Variants in PTPN12 observed in about 807,000 individuals in gnomAD.
PTPN12 encodes the protein tyrosine-protein phosphatase non-receptor type 12.
A neutral mutation model predicts 97.6 loss-of-function variants in PTPN12; 29 were observed. The observed-to-expected ratio is 0.30, with a 90% CI of 0.22 to 0.41. The LOEUF is 0.41. PTPN12 is among the 10% of genes least tolerant of loss of function. The pLI, the probability that PTPN12 is intolerant of heterozygous loss-of-function variation, is 1.00. For synonymous variants in PTPN12, 327 were observed against 300.4 expected (o/e 1.09, Z -0.91); for missense variants, 819 against 926.0 (o/e 0.88, Z 1.50).
At position 77,629,983 on chromosome 7, in the gene PTPN12, C is replaced by T. The variant is rs373764688; in HGVS notation, c.1996+2308C>T. 3.3e-5 allele frequency among the ~76,000 whole-genome samples: 5 copies of T among 151,538 alleles called. No homozygotes were observed. The East Asian group carries it at 9.7e-4, about 29-fold the overall frequency. On this transcript the variant is annotated intron_variant, in intron 13 of 17. Coordinates refer to ENST00000248594, the MANE Select transcript of PTPN12 (RefSeq NM_002835.4). ...AGAGTAAGATATAGCTAAAAGCACC[C>T]TACTATGTGCCAGCTCATTTCTGTT...
At chr7:77,592,425 C>T in intron 6 of PTPN12, 169 bp downstream of exon 6, 1 of 495,418 alleles carries the variant, frequency 2.0e-6, no homozygotes, top group South Asian at 3.6e-5. Flanking sequence ...AATTTGGAAG[C>T]TTTTGGGTTG....
chr7:77,596,752 A>T lies in PTPN12; in HGVS notation c.493-1090A>T, dbSNP rs534137243. Among the ~76,000 whole-genome samples, 3 of 152,300 alleles carry T rather than the reference A, an allele frequency of 2.0e-5. No homozygotes were observed. In the East Asian group the frequency reaches 5.8e-4, roughly 29 times the overall value. On this transcript the variant is annotated intron_variant, in intron 6 of 17. Transcript: ENST00000248594. ...TTTAGAGCAGTTTTAGGTTTACAGC[A>T]AAATTGAGAGGAAGGTACAGAGATT...
At chr7:77,634,020 T>C (rs987249269) in intron 14 of PTPN12, among the ~76,000 whole-genome samples, 2 of 152,016 alleles carry the variant, frequency 1.3e-5, no homozygotes, top group African/African-American at 4.8e-5. Flanking sequence ...CAAAAAACTT[T>C]GTCTCAAAAA....
At chr7:77,558,031 C>T (rs1478508725) in intron 1 of PTPN12, among the ~76,000 whole-genome samples, 3 of 151,480 alleles carry the variant, frequency 2.0e-5, no homozygotes, top group Admixed American at 6.6e-5. Context: ...GCCAACATGG[C>T]GAAACCCCAT....
chr7:77,580,762 CAATT>C (rs747690129), intron 2 of PTPN12, among the ~76,000 whole-genome samples: 4 of 152,084 alleles, frequency 2.6e-5, no homozygotes, highest in Non-Finnish European at 5.9e-5. Flanking sequence ...TATATAATCT[CAATT>C]CATTAATTTG....
rs572772619 is a variant in PTPN12 at position 77,584,479 on chromosome 7, G to A, written c.381+829G>A. ...TTGATAAGATTTGTGTTGCACAGAT[G>A]TGTGTATTTGTCCAAACTCGGAGAA... On this transcript the variant is annotated intron_variant, in intron 4 of 17. Coordinates refer to ENST00000248594, the MANE Select transcript of PTPN12 (RefSeq NM_002835.4). Among the ~76,000 whole-genome samples the A allele has an allele frequency of 1.2e-4, 19 of 152,334 alleles. No individual in the cohort carries two copies. In the East Asian group the frequency reaches 3.7e-3, roughly 29 times the overall value.
At chr7:77,605,838 G>A (rs1788352570) in intron 8 of PTPN12, among the ~76,000 whole-genome samples, 1 of 150,184 alleles carries the variant, frequency 6.7e-6, no homozygotes, top group Non-Finnish European at 1.5e-5. Context: ...AATCACTGCT[G>A]TTGCTCAATC....
chr7:77,634,058 G>A (rs1584226968), intron 14 of PTPN12, among the ~76,000 whole-genome samples: 1 of 152,122 alleles, frequency 6.6e-6, no homozygotes, highest in East Asian at 1.9e-4. Flanking sequence ...AAATTAGCCA[G>A]GTGTGGTGGC....
intron 1 of PTPN12, among the ~76,000 whole-genome samples, chr7:77,563,743 G>C (rs1808100544): frequency 6.6e-6 from 1 of 152,132 alleles, no homozygotes; most frequent in African/African-American, 2.4e-5. Context: ...GAAAAAAAAG[G>C]GAGAGAATTA....
chr7:77,583,177 A>G (rs1175674545), intron 3 of PTPN12, among the ~76,000 whole-genome samples: 1 of 152,214 alleles, frequency 6.6e-6, no homozygotes, highest in Admixed American at 6.5e-5. Context: ...ACTAAGAAAG[A>G]GCTCTTCACT....
chr7:77,614,522 A>G (rs1469170393), intron 11 of PTPN12, among the ~76,000 whole-genome samples: 1 of 152,202 alleles, frequency 6.6e-6, no homozygotes. Flanking sequence ...AGTAGACATA[A>G]ACTAAATGTT....
At chr7:77,566,647 C>T (rs747713226) in intron 1 of PTPN12, among the ~76,000 whole-genome samples, 8 of 152,052 alleles carry the variant, frequency 5.3e-5, no homozygotes, top group South Asian at 2.1e-4. Context: ...TCACCTGAGC[C>T]CAGGAGTTTA....
intron 11 of PTPN12, among the ~76,000 whole-genome samples, chr7:77,614,187 T>C (rs903056035): frequency 1.3e-5 from 2 of 152,196 alleles, no homozygotes; most frequent in Admixed American, 6.5e-5. Flanking sequence ...GCCCAGCTAT[T>C]GTTGTATTTT....
intron 1 of PTPN12, among the ~76,000 whole-genome samples, chr7:77,570,162 C>G (rs541614366): frequency 1.3e-5 from 2 of 152,120 alleles, no homozygotes; most frequent in African/African-American, 4.8e-5. Context: ...TGTTGTAGGT[C>G]TCTAGTATTG....
intron 9 of PTPN12, among the ~76,000 whole-genome samples, chr7:77,607,725 C>A (rs1788421831): frequency 6.6e-6 from 1 of 151,322 alleles, no homozygotes; most frequent in Non-Finnish European, 1.5e-5. Flanking sequence ...ACTGACTTTT[C>A]CAATACTAAA....
At chr7:77,569,038 T>A (rs1436761804) in intron 1 of PTPN12, among the ~76,000 whole-genome samples, 1 of 152,166 alleles carries the variant, frequency 6.6e-6, no homozygotes, top group Non-Finnish European at 1.5e-5. Context: ...CTTTTTTATT[T>A]ACGTTCAATT....
intron 12 of PTPN12, among the ~76,000 whole-genome samples, chr7:77,625,453 C>T (rs7804528): frequency 0.94 from 102,471 of 109,212 alleles, 48,131 homozygotes; most frequent in African/African-American, 0.98. Flanking sequence ...AGGGTTTTGC[C>T]ATATTGCCCA....
At chr7:77,556,395 T>G (rs1041050586) in intron 1 of PTPN12, among the ~76,000 whole-genome samples, 3 of 152,068 alleles carry the variant, frequency 2.0e-5, no homozygotes, top group Non-Finnish European at 2.9e-5. Context: ...GTTTATGGAT[T>G]TTGAACTATA....
intron 13 of PTPN12, among the ~76,000 whole-genome samples, chr7:77,628,861 G>A (rs920377439): frequency 1.3e-5 from 2 of 151,472 alleles, no homozygotes; most frequent in Non-Finnish European, 2.9e-5. Flanking sequence ...TTCTATTTCT[G>A]ACCCATTATA....
Sources: allele counts gnomAD v4.1 joint callset (sites outside exome capture counted in the v4.1 genomes callset), GRCh38; gene constraint gnomAD v4.1.1; transcripts MANE v1.5; gene names NCBI Gene and HGNC (gene_info 2026-07-23, HGNC 2026-07-21).